SH3GL2: variants seen among roughly 807,000 people sequenced by gnomAD.
The protein encoded by SH3GL2 is endophilin-A1.
In SH3GL2, 24 loss-of-function variants were observed where a neutral mutation model predicts 46.0. The ratio of observed to expected loss-of-function variants is 0.52; its 90% CI spans 0.38 to 0.73. SH3GL2 has a LOEUF of 0.73. Ranked by LOEUF, SH3GL2 falls within the 30% of genes least tolerant of loss-of-function variation. The pLI is 0.00. For synonymous variants in SH3GL2, 196 were observed against 147.1 expected (o/e 1.33, Z -2.40); for missense variants, 413 against 424.2 (o/e 0.97, Z 0.23).
chr9:17,734,678 T>C (rs1285955709), intron 1 of SH3GL2, among the ~76,000 whole-genome samples: 2 of 152,094 alleles, frequency 1.3e-5, no homozygotes, highest in African/African-American at 4.8e-5. Flanking sequence ...AACATAATGC[T>C]ATGTGAAACA....
chr9:17,614,873 C>G (rs1468568150), intron 1 of SH3GL2, among the ~76,000 whole-genome samples: 1 of 152,162 alleles, frequency 6.6e-6, no homozygotes, highest in East Asian at 1.9e-4. Context: ...TAGCATAGGA[C>G]AAAAATACAA....
intron 1 of SH3GL2, among the ~76,000 whole-genome samples, chr9:17,719,980 C>A (rs1178478358): frequency 8.8e-6 from 1 of 114,112 alleles, no homozygotes; most frequent in Non-Finnish European, 1.6e-5. Flanking sequence ...TAAAAAAAAC[C>A]TCCTCTTTAT....
intron 1 of SH3GL2, among the ~76,000 whole-genome samples, chr9:17,583,440 G>A (rs1312732952): frequency 2.6e-5 from 4 of 152,150 alleles, no homozygotes. Context: ...CCCTTCCACC[G>A]TGTGAGGGTT....
intron 1 of SH3GL2, among the ~76,000 whole-genome samples, chr9:17,738,015 A>C (rs535933986): frequency 6.6e-6 from 1 of 152,160 alleles, no homozygotes; most frequent in Admixed American, 6.6e-5. Context: ...ATTGTCCATG[A>C]GGGTATTCTG....
chr9:17,692,668 G>GT (rs1821111615), intron 1 of SH3GL2, among the ~76,000 whole-genome samples: 1 of 151,830 alleles, frequency 6.6e-6, no homozygotes, highest in Non-Finnish European at 1.5e-5. Flanking sequence ...CTTGGAGAAA[G>GT]TAGGGCAGCT....
intron 1 of SH3GL2, among the ~76,000 whole-genome samples, chr9:17,636,395 T>G (rs1347219179): frequency 6.6e-6 from 1 of 152,132 alleles, no homozygotes; most frequent in Non-Finnish European, 1.5e-5. Context: ...CCAAACAATA[T>G]TATATTGCCC....
chr9:17,783,542 G>A (rs980462002), intron 3 of SH3GL2, among the ~76,000 whole-genome samples: 13 of 151,954 alleles, frequency 8.6e-5, no homozygotes, highest in Non-Finnish European at 1.8e-4. Flanking sequence ...TAGAAAGCTC[G>A]TCAGGGATGC....
intron 1 of SH3GL2, among the ~76,000 whole-genome samples, chr9:17,581,444 T>C (rs1818275594): frequency 6.6e-6 from 1 of 152,218 alleles, no homozygotes; most frequent in Non-Finnish European, 1.5e-5. Flanking sequence ...TAATTTAGTG[T>C]AGCACACTCT....
intron 1 of SH3GL2, among the ~76,000 whole-genome samples, chr9:17,604,666 T>A (rs1336889896): frequency 1.3e-5 from 2 of 152,186 alleles, no homozygotes; most frequent in Admixed American, 1.3e-4. Flanking sequence ...GTGGAGTACC[T>A]GACAGAGCAC....
chr9:17,791,607 T>C (rs1256076335), intron 7 of SH3GL2, among the ~76,000 whole-genome samples: 1 of 152,218 alleles, frequency 6.6e-6, no homozygotes, highest in African/African-American at 2.4e-5. Flanking sequence ...CTGCTGATAA[T>C]GGATGCCATT....
At chr9:17,674,642 C>CT (rs1414887177) in intron 1 of SH3GL2, among the ~76,000 whole-genome samples, 4 of 152,084 alleles carry the variant, frequency 2.6e-5, no homozygotes, top group African/African-American at 9.7e-5. Flanking sequence ...GATGTTTCTT[C>CT]TTTTTGTCTT....
At chr9:17,663,995 T>C (rs1296046705) in intron 1 of SH3GL2, among the ~76,000 whole-genome samples, 1 of 152,162 alleles carries the variant, frequency 6.6e-6, no homozygotes, top group Non-Finnish European at 1.5e-5. Flanking sequence ...TAAAATAATG[T>C]CGAGGGAGAA....
intron 1 of SH3GL2, among the ~76,000 whole-genome samples, chr9:17,582,221 A>G (rs1002126304): frequency 6.6e-6 from 1 of 152,256 alleles, no homozygotes; most frequent in African/African-American, 2.4e-5. Flanking sequence ...GCTTTTGCCA[A>G]GTAAAATTTA....
intron 1 of SH3GL2, among the ~76,000 whole-genome samples, chr9:17,691,975 AT>A (rs1186841970): frequency 6.6e-6 from 1 of 152,188 alleles, no homozygotes; most frequent in Non-Finnish European, 1.5e-5. Context: ...ATCTATAAAA[AT>A]TACAAATGCA....
In SH3GL2 at chr9:17,773,514, A is replaced by AT. The variant is rs543262107; in HGVS notation, c.187+12012dup. Among the ~76,000 whole-genome samples the AT allele has an allele frequency of 4.3e-4, 66 of 152,152 alleles. 1 individual carries two copies. Among genetic ancestry groups the AT allele is most frequent in the South Asian group, 3.7e-3 (18 of 4,828 alleles). On this transcript the variant is annotated intron_variant, in intron 3 of 8. Coordinates refer to ENST00000380607, the MANE Select transcript of SH3GL2 (RefSeq NM_003026.5). ...TAGTATTAGAAAAAGGTCCAAATTC[A>AT]TTTTTTTGCATATAGATCCATTTTT...
rs1272227897 is a variant in SH3GL2 at position 17,747,116 on chromosome 9, C to T, written c.96C>T (p.Asp32=). ...GGAEGTKLDD[D]FKEMERKVDV... ...CTGAAGGAACCAAGCTAGATGATGACTTCAAAGAGATGGAAAGGGTAAGCC... is the reference window on the plus strand; with the variant it reads ...CTGAAGGAACCAAGCTAGATGATGATTTCAAAGAGATGGAAAGGGTAAGCC... The change falls in exon 2 of 9, where the codon GAC becomes GAT. Residue 32 remains aspartate, a synonymous_variant. Transcript: ENST00000380607. The T allele has an allele frequency of 3.1e-6, 5 of 1,607,842 alleles. No homozygotes were observed. The highest frequency in any genetic ancestry group is 1.1e-5 in the South Asian group (1 of 90,866).
intron 1 of SH3GL2, among the ~76,000 whole-genome samples, chr9:17,581,116 A>T (rs947206147): frequency 1.3e-5 from 2 of 152,232 alleles, no homozygotes; most frequent in Non-Finnish European, 2.9e-5. Flanking sequence ...GACATAAAGG[A>T]TATTTTTATT....
chr9:17,791,805 A>C (rs899320627), intron 7 of SH3GL2, among the ~76,000 whole-genome samples: 25 of 152,206 alleles, frequency 1.6e-4, no homozygotes, highest in African/African-American at 6.0e-4. Flanking sequence ...CCTGTGTGAG[A>C]GGCTGTTTCT....
chr9:17,754,421 C>A (rs534619062), intron 2 of SH3GL2, among the ~76,000 whole-genome samples: 1 of 152,128 alleles, frequency 6.6e-6, no homozygotes, highest in Non-Finnish European at 1.5e-5. Context: ...CGCCTGTAAT[C>A]CCAGCACTTT....
Sources: allele counts gnomAD v4.1 joint callset (sites outside exome capture counted in the v4.1 genomes callset), GRCh38; gene constraint gnomAD v4.1.1; transcripts MANE v1.5; gene names NCBI Gene and HGNC (gene_info 2026-07-23, HGNC 2026-07-21).